Variants in GRM8 observed in about 807,000 individuals in gnomAD.
GRM8 encodes the protein glutamate metabotropic receptor 8, also known as metabotropic glutamate receptor 8.
GRM8 carries 47 observed loss-of-function variants against 87.2 expected under a neutral mutation model. That is an observed-to-expected ratio of 0.54 (90% CI 0.43 to 0.69). The LOEUF is 0.69. Ranked by LOEUF, GRM8 falls within the 30% of genes least tolerant of loss-of-function variation. The pLI, the probability that GRM8 is intolerant of heterozygous loss-of-function variation, is 0.00. For synonymous variants in GRM8, 396 were observed against 404.5 expected (o/e 0.98, Z 0.25); for missense variants, 1,019 against 1,139.2 (o/e 0.89, Z 1.52).
At chr7:127,193,118 T>C (rs970679347) in intron 2 of GRM8, among the ~76,000 whole-genome samples, 7 of 152,248 alleles carry the variant, frequency 4.6e-5, no homozygotes, top group African/African-American at 1.7e-4. Flanking sequence ...GATAAAACCA[T>C]ATTTGAATGT....
intron 7 of GRM8, among the ~76,000 whole-genome samples, chr7:126,678,502 G>A (rs1807225672): frequency 6.6e-6 from 1 of 152,196 alleles, no homozygotes; most frequent in Admixed American, 6.5e-5. Flanking sequence ...GGGGCAAGGA[G>A]AGGAAAAATT....
chr7:126,762,486 C>T (rs1817681198), intron 7 of GRM8, among the ~76,000 whole-genome samples: 1 of 151,882 alleles, frequency 6.6e-6, no homozygotes. Context: ...AGTCATACAG[C>T]ATATTTGAAA....
At chr7:126,544,506 TTTA>T (rs536200810) in intron 8 of GRM8, among the ~76,000 whole-genome samples, 5 of 151,638 alleles carry the variant, frequency 3.3e-5, no homozygotes. Flanking sequence ...TGAAAGTTTA[TTTA>T]TTATTATTAT....
At chr7:127,189,348 A>G (rs923168212) in intron 2 of GRM8, among the ~76,000 whole-genome samples, 5 of 152,210 alleles carry the variant, frequency 3.3e-5, no homozygotes, top group Non-Finnish European at 7.3e-5. Context: ...AGGACTGGCC[A>G]GAGGGGGATG....
At chr7:126,982,213 C>A (rs1252127551) in intron 3 of GRM8, among the ~76,000 whole-genome samples, 1 of 152,134 alleles carries the variant, frequency 6.6e-6, no homozygotes, top group Non-Finnish European at 1.5e-5. Flanking sequence ...TGCTTTTCTG[C>A]CCACTTTATA....
intron 8 of GRM8, among the ~76,000 whole-genome samples, chr7:126,604,507 T>G (rs1220932795): frequency 1.3e-5 from 2 of 152,142 alleles, no homozygotes; most frequent in African/African-American, 4.8e-5. Context: ...ATTATTATTA[T>G]CACATTCGTT....
chr7:126,930,479 C>T (rs1805651409), intron 3 of GRM8, among the ~76,000 whole-genome samples: 1 of 152,190 alleles, frequency 6.6e-6, no homozygotes, highest in African/African-American at 2.4e-5. Flanking sequence ...CTCCTTCTGA[C>T]TGTGATATGT....
chr7:126,903,907 T>C (rs1192395931), intron 5 of GRM8, 65 bp downstream of exon 5: 2 of 944,280 alleles, frequency 2.1e-6, no homozygotes, highest in East Asian at 5.0e-5. Context: ...ATTATGATAC[T>C]CCAGTTTTGC....
chr7:127,042,960 AAC>A (rs1362695824), intron 3 of GRM8, among the ~76,000 whole-genome samples: 1 of 152,252 alleles, frequency 6.6e-6, no homozygotes, highest in Non-Finnish European at 1.5e-5. Flanking sequence ...GAAGGATATG[AAC>A]AGACACTTCT....
At chr7:126,642,094 G>A (rs1012289769) in intron 7 of GRM8, among the ~76,000 whole-genome samples, 3 of 152,128 alleles carry the variant, frequency 2.0e-5, no homozygotes, top group African/African-American at 7.2e-5. Context: ...AGCCACATAG[G>A]AAGCACTGAA....
intron 3 of GRM8, among the ~76,000 whole-genome samples, chr7:126,972,528 T>C (rs1451497291): frequency 2.6e-5 from 4 of 152,192 alleles, no homozygotes; most frequent in Non-Finnish European, 5.9e-5. Context: ...AGCAGGTTCT[T>C]TATTTTTTCA....
At chr7:127,019,465 A>C (rs1198704546) in intron 3 of GRM8, among the ~76,000 whole-genome samples, 1 of 152,122 alleles carries the variant, frequency 6.6e-6, no homozygotes, top group East Asian at 1.9e-4. Flanking sequence ...TTACAGTCTG[A>C]TTCCAAAATG....
At chr7:126,680,718 G>C (rs956017591) in intron 7 of GRM8, among the ~76,000 whole-genome samples, 1 of 152,128 alleles carries the variant, frequency 6.6e-6, no homozygotes, top group African/African-American at 2.4e-5. Flanking sequence ...ATTATTAGTA[G>C]CATGCTTTGC....
At chr7:126,849,457 C>T (rs1797006197) in intron 6 of GRM8, among the ~76,000 whole-genome samples, 2 of 152,132 alleles carry the variant, frequency 1.3e-5, no homozygotes, top group African/African-American at 4.8e-5. Flanking sequence ...AGCTTCATCT[C>T]CTACATTTCC....
At chr7:126,647,060 G>A (rs1444039312) in intron 7 of GRM8, among the ~76,000 whole-genome samples, 1 of 152,226 alleles carries the variant, frequency 6.6e-6, no homozygotes, top group South Asian at 2.1e-4. Context: ...AGTGGGTAAT[G>A]CTGGAAGGTC....
At chr7:126,735,411 G>C (rs1437298587) in intron 7 of GRM8, among the ~76,000 whole-genome samples, 1 of 152,050 alleles carries the variant, frequency 6.6e-6, no homozygotes, top group Non-Finnish European at 1.5e-5. Flanking sequence ...CACCACTGAT[G>C]TATATAAAGA....
At chr7:126,701,127 A>C (rs536392774) in intron 7 of GRM8, among the ~76,000 whole-genome samples, 176 of 152,238 alleles carry the variant, frequency 1.2e-3, no homozygotes, top group African/African-American at 4.0e-3. Context: ...CACTGAAAAC[A>C]CTTCAAAGTA....
chr7:126,559,986 TG>T (rs1036313537), intron 8 of GRM8, among the ~76,000 whole-genome samples: 4 of 152,350 alleles, frequency 2.6e-5, no homozygotes, highest in Admixed American at 2.0e-4. Context: ...AAAGCTGGAC[TG>T]ACAAATGCAT....
intron 3 of GRM8, among the ~76,000 whole-genome samples, chr7:126,993,440 T>A (rs1191936877): frequency 1.3e-5 from 2 of 151,932 alleles, no homozygotes; most frequent in Non-Finnish European, 2.9e-5. Flanking sequence ...CAAATAAAAG[T>A]CTCCACAAAT....
Sources: allele counts gnomAD v4.1 joint callset (sites outside exome capture counted in the v4.1 genomes callset), GRCh38; gene constraint gnomAD v4.1.1; transcripts MANE v1.5; gene names NCBI Gene and HGNC (gene_info 2026-07-23, HGNC 2026-07-21).